Variants in MEPE observed in about 807,000 individuals in gnomAD.
MEPE encodes the protein matrix, extracellular phosphoglycoprotein with ASARM motif (bone).
In MEPE, 7 loss-of-function variants were observed where a neutral mutation model predicts 7.3. That is an observed-to-expected ratio of 0.95 (90% CI 0.54 to 1.79). The LOEUF (loss-of-function observed/expected upper bound fraction) is 1.79, where lower values mean the gene tolerates loss of function less well. Ranked by LOEUF, MEPE falls within the 40% of genes most tolerant of loss-of-function variation. The pLI is 0.00. For synonymous variants in MEPE, 214 were observed against 213.1 expected, an observed-to-expected ratio of 1.00 and a Z score of -0.04; for missense variants, 623 against 628.2, an observed-to-expected ratio of 0.99 and a Z score of 0.09.
At chr4:87,837,229 G>A (rs1292502905) in intron 2 of MEPE, among the ~76,000 whole-genome samples, 1 of 152,060 alleles carries the variant, frequency 6.6e-6, no homozygotes, top group Non-Finnish European at 1.5e-5. Flanking sequence ...GAAAAAAAAA[G>A]GTGCTGCTCC....
chr4:87,834,604 G>C, intron 1 of MEPE, 99 bp from the exon 2 acceptor site: 1 of 870,666 alleles, frequency 1.1e-6, no homozygotes, highest in Non-Finnish European at 1.8e-6. Context: ...ACTGCCAAGG[G>C]GAAGGGTGTT....
upstream of MEPE, among the ~76,000 whole-genome samples, chr4:87,831,768 C>T (rs562131360): frequency 3.5e-4 from 53 of 152,230 alleles, no homozygotes; most frequent in African/African-American, 1.3e-3. Context: ...TTGCTCAGGC[C>T]TCCAACCAAA....
intron 1 of MEPE, among the ~76,000 whole-genome samples, chr4:87,826,694 A>G (rs963721298): frequency 3.6e-4 from 55 of 152,114 alleles, no homozygotes; most frequent in African/African-American, 1.2e-3. Context: ...GTGACGTGTG[A>G]GATGGTATCT....
chr4:87,846,310 GGAATAA>G lies in MEPE; in HGVS notation c.1444_1449del (p.Asn482_Lys483del). 1 of 1,614,016 alleles carries G rather than the reference GGAATAA, an allele frequency of 6.2e-7. No homozygotes were observed. The highest frequency in any genetic ancestry group is 1.1e-5 in the South Asian group (1 of 91,074). ...CCCCACAGACAAAATAATTCTACAC[GGAATAA>G]GGGTATGCCACAAGGGAAAGGCTCC... On this transcript the variant is annotated inframe_deletion, in exon 4 of 4. Coordinates refer to ENST00000361056, the MANE Select transcript of MEPE (RefSeq NM_020203.6).
upstream of MEPE, among the ~76,000 whole-genome samples, chr4:87,830,551 G>T (rs1364645779): frequency 6.6e-6 from 1 of 152,016 alleles, no homozygotes; most frequent in Admixed American, 6.6e-5. Context: ...ACACAAAGAA[G>T]GAAACAACAG....
At chr4:87,838,505 G>C (rs1722885301) in intron 2 of MEPE, 127 bp from the exon 3 acceptor site, 1 of 783,928 alleles carries the variant, frequency 1.3e-6, no homozygotes, top group African/African-American at 1.7e-5. Context: ...TCTTCTTTTG[G>C]TTAGAATGAT....
rs577928169 is a variant in MEPE at position 87,846,337 on chromosome 4, G to A, written c.1469G>A (p.Gly490Asp). 3.1e-6 allele frequency: 5 copies of A among 1,614,060 alleles called. No homozygotes were observed. The South Asian group carries it at 5.5e-5, about 18-fold the overall frequency. The change falls in exon 4 of 4, where the codon GGC (glycine) becomes GAC (aspartate). Residue 490 changes from glycine (G) to aspartate (D), a missense_variant. Gly to Asp is a moderately conservative substitution (Grantham distance 94). Coordinates refer to ENST00000361056, the MANE Select transcript of MEPE (RefSeq NM_020203.6). ...AATAAGGGTATGCCACAAGGGAAAG[G>A]CTCCTGGGGTAGACAACCCCATTCC... ...TRNKGMPQGK[G>D]SWGRQPHSNR...
At chr4:87,841,727 T>C (rs1358320199) in intron 3 of MEPE, among the ~76,000 whole-genome samples, 1 of 152,086 alleles carries the variant, frequency 6.6e-6, no homozygotes, top group East Asian at 1.9e-4. Flanking sequence ...CCAATCAAAA[T>C]CTATTTCAGA....
chr4:87,825,692 AT>A (rs1261668242), intron 1 of MEPE, among the ~76,000 whole-genome samples: 1 of 152,192 alleles, frequency 6.6e-6, no homozygotes, highest in African/African-American at 2.4e-5. Context: ...TTAACCGACT[AT>A]CTTTTTTTCT....
chr4:87,830,777 A>T (rs1228106532), upstream of MEPE, among the ~76,000 whole-genome samples: 1 of 151,964 alleles, frequency 6.6e-6, no homozygotes, highest in Non-Finnish European at 1.5e-5. Context: ...GAGGAGGAAA[A>T]GCAGCTCTGG....
Position 87,845,112 on chromosome 4 carries a change from G to A in MEPE, c.244G>A (p.Gly82Arg). 2 of 1,613,728 alleles carry A rather than the reference G, an allele frequency of 1.2e-6. No homozygotes were observed. The highest frequency in any genetic ancestry group is 1.7e-6 in the Non-Finnish European group (2 of 1,179,844). The change falls in exon 4 of 4, where the codon GGA (glycine) becomes AGA (arginine). Residue 82 changes from glycine to arginine, a missense_variant. Physicochemically the swap from Gly to Arg is moderately radical, Grantham distance 125. Coordinates refer to ENST00000361056, the MANE Select transcript of MEPE (RefSeq NM_020203.6). ...CCTTTCTGAAGCCAGTGAGAATAAG[G>A]GAAGTAGTAAATCTCAAAATTATTT... ...LSLSEASENK[G>R]SSKSQNYFTN...
At chr4:87,833,644 TA>T (rs1219126495) in intron 1 of MEPE, among the ~76,000 whole-genome samples, 2 of 152,318 alleles carry the variant, frequency 1.3e-5, no homozygotes, top group South Asian at 4.1e-4. Flanking sequence ...GGCATAAATT[TA>T]TTGTTTTCAC....
In MEPE at chr4:87,839,714, T is replaced by C. The variant is rs780792438; in HGVS notation, c.108+1029T>C. 1.7e-5 allele frequency: 27 copies of C among 1,550,158 alleles called. No homozygotes were observed. The East Asian group carries it at 3.9e-4, about 22-fold the overall frequency. The stretch of plus-strand genomic sequence containing the variant: ...CATACAAGGGTCACTATGAGAAACA[T>C]GGGCATTATGTTTTTAAGTGTGTTT... On this transcript the variant is annotated intron_variant, in intron 3 of 3. Coordinates refer to ENST00000361056, the MANE Select transcript of MEPE (RefSeq NM_020203.6).
upstream of MEPE, among the ~76,000 whole-genome samples, chr4:87,831,667 T>G (rs1293916193): frequency 6.6e-6 from 1 of 152,124 alleles, no homozygotes; most frequent in African/African-American, 2.4e-5. Context: ...TTCTTCTCAC[T>G]CATAGCAATG....
Position 87,845,518 on chromosome 4 carries a change from A to C in MEPE, c.650A>C (p.Gln217Pro), listed in dbSNP as rs779163290. The change falls in exon 4 of 4, where the codon CAA (glutamine) becomes CCA (proline). Residue 217 changes from glutamine (Q) to proline (P), a missense_variant. Gln to Pro is a moderately conservative substitution (Grantham distance 76, BLOSUM62 -1). Coordinates refer to ENST00000361056, the MANE Select transcript of MEPE (RefSeq NM_020203.6). ...AAAAGCAAAAGCACCCATCGTATTC[A>C]ACACAACATTGACTACCTAAAACAT... Reference protein sequence around the residue: ...PVKSKSTHRIQHNIDYLKHLS... With the variant: ...PVKSKSTHRIPHNIDYLKHLS... 2 of 1,613,154 alleles carry C rather than the reference A, an allele frequency of 1.2e-6. No individual in the cohort carries two copies. The highest frequency in any genetic ancestry group is 2.2e-5 in the South Asian group (2 of 90,940).
At chr4:87,821,872 G>A (rs1722345570) in intron 1 of MEPE, among the ~76,000 whole-genome samples, 1 of 151,226 alleles carries the variant, frequency 6.6e-6, no homozygotes, top group Admixed American at 6.6e-5. Flanking sequence ...AAAGCTGCAG[G>A]GGAGCCCTCA....
At chr4:87,826,061 C>A (rs1212772819) in intron 1 of MEPE, among the ~76,000 whole-genome samples, 1 of 152,114 alleles carries the variant, frequency 6.6e-6, no homozygotes, top group Non-Finnish European at 1.5e-5. Flanking sequence ...TGTACACATG[C>A]CACATTTTCT....
chr4:87,835,497 C>G (rs1722752822), intron 2 of MEPE, among the ~76,000 whole-genome samples: 1 of 152,142 alleles, frequency 6.6e-6, no homozygotes, highest in South Asian at 2.1e-4. Context: ...GTTGGAGAAC[C>G]ATGGAAACAA....
At chr4:87,830,869 T>C (rs1479229301), upstream of MEPE, among the ~76,000 whole-genome samples, 1 of 151,976 alleles carries the variant, frequency 6.6e-6, no homozygotes, top group African/African-American at 2.4e-5. Flanking sequence ...AAAGGCACCA[T>C]TTTCTCAGGT....
Sources: gnomAD v4.1 joint callset for allele counts (sites outside exome capture counted in the v4.1 genomes callset) on GRCh38, gnomAD v4.1.1 for gene constraint, MANE v1.5 for transcripts, NCBI Gene and HGNC (gene_info 2026-07-23, HGNC 2026-07-21) for gene names.